MAST4: variants seen among roughly 807,000 people sequenced by gnomAD.
MAST4 encodes the protein microtubule associated serine/threonine kinase family member 4, also known as microtubule-associated serine/threonine-protein kinase 4.
Under a neutral mutation model 162.7 loss-of-function variants are expected in MAST4, and 89 were observed. The observed-to-expected ratio is 0.55, with a 90% CI of 0.46 to 0.65. The LOEUF (loss-of-function observed/expected upper bound fraction) is 0.65, where lower values mean the gene tolerates loss of function less well. Ranked by LOEUF, MAST4 falls within the 30% of genes least tolerant of loss-of-function variation. The pLI is 0.00. For synonymous variants in MAST4, 1,479 were observed against 1,361.1 expected (o/e 1.09, Z -1.91); for missense variants, 3,153 against 3,374.0 (o/e 0.93, Z 1.62).
chr5:66,982,691 C>T (rs1228123277), intron 4 of MAST4, among the ~76,000 whole-genome samples: 2 of 152,162 alleles, frequency 1.3e-5, no homozygotes, highest in East Asian at 3.8e-4. Context: ...TTTTGTTCTC[C>T]CTAGCTGATA....
At chr5:66,907,866 G>A (rs1763490914) in intron 4 of MAST4, among the ~76,000 whole-genome samples, 1 of 151,868 alleles carries the variant, frequency 6.6e-6, no homozygotes, top group East Asian at 1.9e-4. Flanking sequence ...ACAAAATAAA[G>A]GATGTGTAAA....
At chr5:66,702,540 T>G (rs772608463) in intron 1 of MAST4, among the ~76,000 whole-genome samples, 1 of 152,048 alleles carries the variant, frequency 6.6e-6, no homozygotes, top group Non-Finnish European at 1.5e-5. Flanking sequence ...GCCTTTCGGT[T>G]AGGGTAACAT....
chr5:66,994,070 G>A (rs181290154), intron 4 of MAST4, among the ~76,000 whole-genome samples: 10 of 152,108 alleles, frequency 6.6e-5, no homozygotes, highest in African/African-American at 1.4e-4. Flanking sequence ...ATATGACTGC[G>A]TGCACCTGTT....
intron 1 of MAST4, among the ~76,000 whole-genome samples, chr5:66,642,321 T>G (rs78028797): frequency 0.017 from 2,627 of 152,254 alleles, 84 homozygotes; most frequent in African/African-American, 0.06. Context: ...AAATCACAAA[T>G]GATGAGAACA....
At chr5:66,897,930 T>C (rs1762785398) in intron 3 of MAST4, among the ~76,000 whole-genome samples, 1 of 152,226 alleles carries the variant, frequency 6.6e-6, no homozygotes, top group Admixed American at 6.5e-5. Flanking sequence ...ATATGATTGA[T>C]GGAACTATTT....
At chr5:66,622,104 T>A (rs546954994) in intron 1 of MAST4, among the ~76,000 whole-genome samples, 2 of 151,244 alleles carry the variant, frequency 1.3e-5, no homozygotes, top group African/African-American at 4.9e-5. Context: ...AAAAAAAAAA[T>A]GGAATATGGA....
At chr5:66,724,349 A>T (rs1751390884) in intron 1 of MAST4, among the ~76,000 whole-genome samples, 1 of 152,200 alleles carries the variant, frequency 6.6e-6, no homozygotes, top group African/African-American at 2.4e-5. Context: ...CTAGCATGTC[A>T]CAAAACAAGT....
At chr5:67,110,315 G>A (rs2545394) in intron 11 of MAST4, 116 bp downstream of exon 11, 136,195 of 711,450 alleles carry the variant, frequency 0.19, 13,830 homozygotes, top group Middle Eastern at 0.31. Flanking sequence ...GAGTCAAAGG[G>A]AATTACAACT....
chr5:67,166,923 G>A lies in MAST4; in HGVS notation c.7744G>A (p.Val2582Met). 1 of 1,611,674 alleles carries A rather than the reference G, an allele frequency of 6.2e-7. No homozygotes were observed. Among genetic ancestry groups the A allele is most frequent in the Non-Finnish European group, 8.5e-7 (1 of 1,179,322 alleles). ...TAGGAAACAGAACGTGGGCAGAGAC[G>A]TGACCAAGCCATCCCCAGCCCCAAA... ...PARKQNVGRD[V>M]TKPSPAPNTD... The change falls in exon 29 of 29, where the codon GTG (valine) becomes ATG (methionine). Residue 2582 changes from valine (V) to methionine (M), a missense_variant. This residue lies in a region of MAST4 where 1,644 missense variants were observed against 1,495.0 expected (regional missense o/e 1.10). Coordinates refer to ENST00000403625, the MANE Select transcript of MAST4 (RefSeq NM_001164664.2).
chr5:66,942,625 C>T (rs777846816), intron 4 of MAST4, among the ~76,000 whole-genome samples: 1 of 152,086 alleles, frequency 6.6e-6, no homozygotes, highest in Non-Finnish European at 1.5e-5. Context: ...TTGTACCCTT[C>T]CAGATCTAAA....
intron 16 of MAST4, among the ~76,000 whole-genome samples, chr5:67,132,241 G>T (rs1343433942): frequency 6.6e-6 from 1 of 151,954 alleles, no homozygotes; most frequent in Non-Finnish European, 1.5e-5. Flanking sequence ...TGTTACATAG[G>T]TATACACATG....
chr5:66,798,168 A>G (rs1459141455), intron 3 of MAST4, among the ~76,000 whole-genome samples: 3 of 152,230 alleles, frequency 2.0e-5, no homozygotes, highest in African/African-American at 4.8e-5. Flanking sequence ...CATATTCATC[A>G]TGACCTACTG....
At chr5:66,636,799 G>A (rs1745151656) in intron 1 of MAST4, among the ~76,000 whole-genome samples, 1 of 152,176 alleles carries the variant, frequency 6.6e-6, no homozygotes, top group African/African-American at 2.4e-5. Flanking sequence ...GGTGTGTCTG[G>A]AGAGGTGCTG....
At chr5:66,988,276 C>T (rs1315575865) in intron 4 of MAST4, among the ~76,000 whole-genome samples, 1 of 152,122 alleles carries the variant, frequency 6.6e-6, no homozygotes, top group East Asian at 1.9e-4. Flanking sequence ...CCTTCTTCCT[C>T]TTTTAGAGAA....
At chr5:67,002,994 A>G (rs1418347860) in intron 4 of MAST4, among the ~76,000 whole-genome samples, 1 of 150,196 alleles carries the variant, frequency 6.7e-6, no homozygotes, top group Non-Finnish European at 1.5e-5. Flanking sequence ...ACATCCTCCA[A>G]TGCTCAAGAA....
intron 5 of MAST4, among the ~76,000 whole-genome samples, chr5:67,074,514 TGTA>T (rs1408248793): frequency 1.3e-5 from 2 of 152,202 alleles, no homozygotes; most frequent in South Asian, 2.1e-4. Flanking sequence ...AGCATTAATT[TGTA>T]GTAGTACAGA....
chr5:66,959,689 A>G (rs993268754), intron 4 of MAST4, among the ~76,000 whole-genome samples: 1 of 152,206 alleles, frequency 6.6e-6, no homozygotes, highest in African/African-American at 2.4e-5. Flanking sequence ...AGACATTACA[A>G]TGGATTAGAG....
intron 10 of MAST4, among the ~76,000 whole-genome samples, chr5:67,109,766 C>T (rs1338726941): frequency 6.6e-6 from 1 of 152,154 alleles, no homozygotes; most frequent in African/African-American, 2.4e-5. Flanking sequence ...ATCAGCTTCC[C>T]ACTCTACTTG....
At chr5:66,800,113 A>G (rs1755844795) in intron 3 of MAST4, among the ~76,000 whole-genome samples, 1 of 152,180 alleles carries the variant, frequency 6.6e-6, no homozygotes, top group African/African-American at 2.4e-5. Context: ...TGGCCTTGTG[A>G]CGATAAGCTT....
Sources: gnomAD v4.1 joint callset for allele counts (sites outside exome capture counted in the v4.1 genomes callset) on GRCh38, gnomAD v4.1.1 for gene constraint, gnomAD v4.1.1 regional missense constraint, MANE v1.5 for transcripts, NCBI Gene and HGNC (gene_info 2026-07-23, HGNC 2026-07-21) for gene names.